Variants in PTPN20 observed in about 807,000 individuals in gnomAD.
The protein encoded by PTPN20 is protein tyrosine phosphatase non-receptor type 20.
PTPN20 carries 9 observed loss-of-function variants against 35.0 expected under a neutral mutation model. The ratio of observed to expected loss-of-function variants is 0.26; its 90% CI spans 0.15 to 0.45. The LOEUF is 0.45. PTPN20 is among the 20% of genes least tolerant of loss of function. The pLI, the probability that PTPN20 is intolerant of heterozygous loss-of-function variation, is 1.00. For synonymous variants in PTPN20, 32 were observed against 100.2 expected (o/e 0.32, Z 4.06); for missense variants, 111 against 312.5 (o/e 0.36, Z 4.86).
intron 9 of PTPN20, among the ~76,000 whole-genome samples, chr10:46,992,091 C>T (rs2058071411): frequency 6.8e-6 from 1 of 147,380 alleles, no homozygotes; most frequent in South Asian, 2.2e-4. Flanking sequence ...TACATAATCT[C>T]TTATTTCTTG....
In PTPN20 at chr10:47,000,838, A is replaced by T; in HGVS notation, c.*97A>T. On this transcript the variant is annotated 3_prime_UTR_variant, in exon 11 of 11. Transcript: ENST00000374339. Reference sequence around the variant, plus strand: ...ACTGTGCTGAAGGGCTTTGCTATGCATACAATCTGCTTTCTTGGTTTATCA... The same window carrying T: ...ACTGTGCTGAAGGGCTTTGCTATGCTTACAATCTGCTTTCTTGGTTTATCA... The T allele has an allele frequency of 2.8e-6, 4 of 1,407,260 alleles. No individual in the cohort carries two copies. 87.2% of individuals were successfully genotyped at this position (1,407,260 alleles called of 1,614,324 possible).
At chr10:46,940,738 A>G in intron 3 of PTPN20, 21 bp downstream of exon 3, 1 of 1,587,364 alleles carries the variant, frequency 6.3e-7, no homozygotes, top group Non-Finnish European at 8.6e-7. Flanking sequence ...AAGGAGAGGG[A>G]TCTCTACTAA....
intron 1 of PTPN20, among the ~76,000 whole-genome samples, chr10:46,929,804 T>C (rs1325057136): frequency 6.8e-6 from 1 of 147,330 alleles, no homozygotes; most frequent in Admixed American, 6.7e-5. Context: ...TGCACTATAT[T>C]TTCTGAAAGG....
chr10:46,992,960 C>T (rs2058277097), intron 9 of PTPN20, among the ~76,000 whole-genome samples: 1 of 152,074 alleles, frequency 6.6e-6, no homozygotes, highest in South Asian at 2.1e-4. Context: ...AGTCAGTTGG[C>T]TTTATTTCTG....
chr10:46,968,457 A>T (rs2051339031), intron 7 of PTPN20, among the ~76,000 whole-genome samples: 1 of 151,284 alleles, frequency 6.6e-6, no homozygotes, highest in East Asian at 2.0e-4. Flanking sequence ...CTGGACAATA[A>T]AGCTGTTAAT....
chr10:46,935,042 CT>C (rs1157512560), intron 2 of PTPN20, among the ~76,000 whole-genome samples: 1 of 151,498 alleles, frequency 6.6e-6, no homozygotes, highest in Non-Finnish European at 1.5e-5. Context: ...CAGTTGCAAA[CT>C]TTTATGAAAA....
At chr10:46,983,003 T>C (rs2055921804) in intron 7 of PTPN20, among the ~76,000 whole-genome samples, 1 of 151,832 alleles carries the variant, frequency 6.6e-6, no homozygotes. Flanking sequence ...AAGGAGAATA[T>C]TTGTTGTGAT....
rs2059985445 is a variant in PTPN20 at position 47,001,088 on chromosome 10, G to C, written c.*347G>C. 3.3e-6 allele frequency: 1 copy of C among 305,040 alleles called. No individual in the cohort carries two copies. The highest frequency in any genetic ancestry group is 8.0e-5 in the East Asian group (1 of 12,536). The allele number at this position is 305,040 out of a possible 1,614,324, so 18.9% of individuals were successfully genotyped here. A position where few individuals can be genotyped will look rare whatever the true frequency, so the allele number is the denominator to read the frequency against. The stretch of plus-strand genomic sequence containing the variant: ...CATTAAGATTTTATTTGGAAAGGTG[G>C]CTGGAGAGAGCTGAGGATTTCCAGG... On this transcript the variant is annotated 3_prime_UTR_variant, in exon 11 of 11. Coordinates refer to ENST00000374339, the MANE Select transcript of PTPN20 (RefSeq NM_001042357.5).
rs1316734798 is a variant in PTPN20 at position 47,001,598 on chromosome 10, T to A, written c.*857T>A. On this transcript the variant is annotated 3_prime_UTR_variant, in exon 11 of 11. Coordinates refer to ENST00000374339, the MANE Select transcript of PTPN20 (RefSeq NM_001042357.5). Reference sequence around the variant, plus strand: ...TTTGATATAGGCATTATTATATAATTCTGAGTCATTCATGGTATCTCTCAT... The same window carrying A: ...TTTGATATAGGCATTATTATATAATACTGAGTCATTCATGGTATCTCTCAT... 1 of 152,182 alleles carries A rather than the reference T, an allele frequency of 6.6e-6. No individual in the cohort carries two copies. The highest frequency in any genetic ancestry group is 2.4e-5 in the African/African-American group (1 of 41,464). 9.4% of individuals were successfully genotyped at this position (152,182 alleles called of 1,614,324 possible).
rs1165873294 is a variant in PTPN20 at position 47,001,789 on chromosome 10, A to G, written c.*1048A>G. ...CATAGTCATGAAAATGGAAACTTCC[A>G]TATTCTGTTTTTGAAAAGATGTGGC... On this transcript the variant is annotated 3_prime_UTR_variant, in exon 11 of 11. Transcript: ENST00000374339. 2 of 152,112 alleles carry G rather than the reference A, an allele frequency of 1.3e-5. No individual in the cohort carries two copies. Among genetic ancestry groups the G allele is most frequent in the Non-Finnish European group, 2.9e-5 (2 of 67,988 alleles). 9.4% of individuals were successfully genotyped at this position (152,112 alleles called of 1,614,324 possible).
chr10:46,949,153 G>C (rs1291188168), intron 5 of PTPN20, among the ~76,000 whole-genome samples: 1 of 152,078 alleles, frequency 6.6e-6, no homozygotes. Flanking sequence ...ACGCATTTTC[G>C]ACCATGACAG....
At chr10:46,953,347 C>CTTTCTTTCTT (rs1243671481) in intron 5 of PTPN20, among the ~76,000 whole-genome samples, 8 of 109,244 alleles carry the variant, frequency 7.3e-5, no homozygotes, top group Non-Finnish European at 1.1e-4. Flanking sequence ...TTCTTTCTTT[C>CTTTCTTTCTT]TTTCTTTCTT....
At chr10:46,911,716 G>A (rs1252607848) in intron 1 of PTPN20, 1 of 76,094 alleles carries the variant, frequency 1.3e-5, no homozygotes, top group African/African-American at 1.4e-4. Flanking sequence ...TTCTGGCCGT[G>A]TGATGCCAGC....
chr10:46,982,478 T>C (rs1342649662), intron 7 of PTPN20, among the ~76,000 whole-genome samples: 1 of 152,126 alleles, frequency 6.6e-6, no homozygotes, highest in Non-Finnish European at 1.5e-5. Context: ...GCTGTGTCTT[T>C]TACCATTTTA....
chr10:46,997,735 C>T (rs1010598289), intron 9 of PTPN20, among the ~76,000 whole-genome samples: 10 of 148,906 alleles, frequency 6.7e-5, no homozygotes, highest in Non-Finnish European at 1.2e-4. Flanking sequence ...AAAAGAAAAA[C>T]AGAAATGGGT....
In PTPN20 at chr10:46,931,744, AT is replaced by A. The variant is rs1199203391; in HGVS notation, c.-123-631del. 9.0e-5 allele frequency among the ~76,000 whole-genome samples: 13 copies of A among 144,758 alleles called. 1 individual carries two copies. Among genetic ancestry groups the A allele is most frequent in the African/African-American group, 3.7e-4 (13 of 35,358 alleles). The allele number at this position is 144,758 out of a possible 152,430, so 95.0% of individuals were successfully genotyped here. A position where few individuals can be genotyped will look rare whatever the true frequency, so the allele number is the denominator to read the frequency against. On this transcript the variant is annotated intron_variant, in intron 1 of 10. Coordinates refer to ENST00000374339, the MANE Select transcript of PTPN20 (RefSeq NM_001042357.5). ...TTTTTAAAATAAATCTGTTTCACAC[AT>A]TAACTTTAGATTCAGATTATAGTAA...
At chr10:46,950,706 T>C (rs1254820623) in intron 5 of PTPN20, among the ~76,000 whole-genome samples, 1 of 152,022 alleles carries the variant, frequency 6.6e-6, no homozygotes. Context: ...TAGAATGATA[T>C]AGAGAAAAAG....
chr10:46,992,734 A>G (rs1365525231), intron 9 of PTPN20, among the ~76,000 whole-genome samples: 2 of 152,138 alleles, frequency 1.3e-5, no homozygotes, highest in Non-Finnish European at 2.9e-5. Context: ...AGCCATCTCA[A>G]TTTAGTTAAG....
At chr10:46,920,558 G>T (rs1445488365) in intron 1 of PTPN20, among the ~76,000 whole-genome samples, 1 of 148,740 alleles carries the variant, frequency 6.7e-6, no homozygotes, top group Non-Finnish European at 1.5e-5. Flanking sequence ...CTGGGGGCAG[G>T]GTTCAGGGGA....
Sources: allele counts gnomAD v4.1 joint callset (sites outside exome capture counted in the v4.1 genomes callset), GRCh38; gene constraint gnomAD v4.1.1; transcripts MANE v1.5; gene names NCBI Gene and HGNC (gene_info 2026-07-23, HGNC 2026-07-21).